Variants in NPAS3 observed in about 807,000 individuals in gnomAD.
NPAS3 encodes the protein neuronal PAS domain protein 3.
In NPAS3, 14 loss-of-function variants were observed where a neutral mutation model predicts 73.1. That is an observed-to-expected ratio of 0.19 (90% CI 0.13 to 0.30). NPAS3 has a LOEUF of 0.30. NPAS3 is among the 10% of genes least tolerant of loss of function. The probability of loss-of-function intolerance (pLI) is 1.00; values close to 1 mark genes in which losing one functional copy is unlikely to be tolerated. For synonymous variants in NPAS3, 620 were observed against 541.5 expected (o/e 1.14, Z -2.01); for missense variants, 1,096 against 1,250.0 (o/e 0.88, Z 1.86).
chr14:33,792,736 T>G (rs1318729612), intron 9 of NPAS3, among the ~76,000 whole-genome samples: 1 of 152,264 alleles, frequency 6.6e-6, no homozygotes, highest in Admixed American at 6.5e-5. Flanking sequence ...CAAATACATA[T>G]TACTTGAGAT....
intron 4 of NPAS3, among the ~76,000 whole-genome samples, chr14:33,371,643 G>T (rs558392795): frequency 6.6e-6 from 1 of 152,076 alleles, no homozygotes; most frequent in South Asian, 2.1e-4. Flanking sequence ...TGAGTATTTT[G>T]ATTACATCTA....
At chr14:32,958,222 C>G (rs779878802) in intron 1 of NPAS3, among the ~76,000 whole-genome samples, 22 of 152,054 alleles carry the variant, frequency 1.4e-4, no homozygotes, top group Non-Finnish European at 2.8e-4. Context: ...GTTCTCTTCC[C>G]CCAAATAACT....
At chr14:33,227,627 T>A (rs2047683925) in intron 3 of NPAS3, among the ~76,000 whole-genome samples, 1 of 152,178 alleles carries the variant, frequency 6.6e-6, no homozygotes, top group South Asian at 2.1e-4. Context: ...ATGTCTCCTG[T>A]GTCTCTAATC....
intron 6 of NPAS3, among the ~76,000 whole-genome samples, chr14:33,711,792 A>G (rs911577894): frequency 1.3e-5 from 2 of 152,098 alleles, no homozygotes; most frequent in African/African-American, 2.4e-5. Flanking sequence ...TCACTCGCAC[A>G]AGGCCTGTGA....
In NPAS3 at chr14:33,782,823, T is replaced by TA. The variant is rs199704146; in HGVS notation, c.1153+4259dup. Among the ~76,000 whole-genome samples the TA allele has an allele frequency of 7.5e-3, 1,110 of 148,728 alleles. 9 individuals are homozygous for TA. The highest frequency in any genetic ancestry group is 0.023 in the African/African-American group (943 of 40,654). On this transcript the variant is annotated intron_variant, in intron 9 of 11. Transcript: ENST00000356141. ...AACATACTTGGGGGTTGTTTTTTTT[T>TA]AAAAAAAAGAAAAAAACAGTAGCTT...
At chr14:33,441,212 T>G (rs1262978637) in intron 4 of NPAS3, among the ~76,000 whole-genome samples, 1 of 152,230 alleles carries the variant, frequency 6.6e-6, no homozygotes, top group African/African-American at 2.4e-5. Flanking sequence ...TTTTAAGAAA[T>G]ATAATATGCA....
chr14:33,556,229 C>A (rs2055353013), intron 4 of NPAS3, among the ~76,000 whole-genome samples: 1 of 152,166 alleles, frequency 6.6e-6, no homozygotes, highest in Non-Finnish European at 1.5e-5. Flanking sequence ...TGTTAAAAAT[C>A]ACAATCCCCT....
At chr14:33,250,871 A>G (rs183872080) in intron 3 of NPAS3, among the ~76,000 whole-genome samples, 91 of 152,228 alleles carry the variant, frequency 6.0e-4, no homozygotes, top group Admixed American at 4.0e-3. Context: ...ACCATGGATA[A>G]TATCTTTTAT....
chr14:33,668,557 T>G (rs946351766), intron 5 of NPAS3, among the ~76,000 whole-genome samples: 11 of 152,324 alleles, frequency 7.2e-5, no homozygotes, highest in African/African-American at 2.6e-4. Context: ...GGCGCATGCC[T>G]GTAATCCCAG....
At chr14:33,043,447 C>G (rs2040408373) in intron 1 of NPAS3, among the ~76,000 whole-genome samples, 2 of 152,128 alleles carry the variant, frequency 1.3e-5, no homozygotes, top group Admixed American at 6.6e-5. Flanking sequence ...TTTCCAAAAT[C>G]TGATATCAGG....
At chr14:33,329,808 T>G (rs1423951668) in intron 3 of NPAS3, among the ~76,000 whole-genome samples, 1 of 151,920 alleles carries the variant, frequency 6.6e-6, no homozygotes, top group Non-Finnish European at 1.5e-5. Flanking sequence ...GGATTAAAAG[T>G]GGAGTGTGTG....
At chr14:33,743,689 T>C (rs973911930) in intron 7 of NPAS3, among the ~76,000 whole-genome samples, 1 of 152,242 alleles carries the variant, frequency 6.6e-6, no homozygotes, top group African/African-American at 2.4e-5. Flanking sequence ...AAATCCTAGA[T>C]GGCATCTTCT....
chr14:33,676,318 A>G, exon 6 of NPAS3: 6 of 1,612,572 alleles, frequency 3.7e-6, no homozygotes, highest in Non-Finnish European at 5.1e-6. Context: ...GTCTCCTGTC[A>G]CAGGGCACTG....
chr14:32,935,320 C>T (rs2035662863), upstream of NPAS3, among the ~76,000 whole-genome samples: 1 of 152,202 alleles, frequency 6.6e-6, no homozygotes, highest in African/African-American at 2.4e-5. Context: ...GTTTAGGATC[C>T]TCATCCCTTT....
At chr14:33,139,940 A>G (rs1362521128) in intron 2 of NPAS3, among the ~76,000 whole-genome samples, 2 of 96,912 alleles carry the variant, frequency 2.1e-5, no homozygotes, top group Admixed American at 1.0e-4. Context: ...TTCTGCCTGC[A>G]TGATTTTTTT....
rs148349994 is a variant in NPAS3, at chr14:33,638,602, A to G, written c.559-37609A>G. Reference sequence around the variant, plus strand: ...TGAACACACTAAGTGCTCAATAGACATTGGCCATTAGTAGTTTTAATTGCA... The same window carrying G: ...TGAACACACTAAGTGCTCAATAGACGTTGGCCATTAGTAGTTTTAATTGCA... On this transcript the variant is annotated intron_variant, in intron 5 of 11. Coordinates refer to ENST00000356141, the Ensembl canonical transcript of NPAS3. 1.6e-3 allele frequency among the ~76,000 whole-genome samples: 237 copies of G among 152,376 alleles called. 1 individual carries two copies. Among genetic ancestry groups the G allele is most frequent in the African/African-American group, 5.3e-3 (221 of 41,592 alleles).
chr14:33,112,980 T>C (rs1402031676), intron 2 of NPAS3, among the ~76,000 whole-genome samples: 2 of 152,188 alleles, frequency 1.3e-5, no homozygotes, highest in Non-Finnish European at 2.9e-5. Flanking sequence ...TAGTTGTAGA[T>C]ATGCGGCATT....
chr14:33,659,298 C>T lies in NPAS3; in HGVS notation c.559-16913C>T, dbSNP rs576291664. On this transcript the variant is annotated intron_variant, in intron 5 of 11. Coordinates refer to ENST00000356141, the Ensembl canonical transcript of NPAS3. ...TATAACAGAGGAAACGCCAGAGTAA[C>T]TTGCCCAAAGTGGGTAATGGTTTCA... Among the ~76,000 whole-genome samples, 8 of 152,328 alleles carry T rather than the reference C, an allele frequency of 5.3e-5. No homozygotes were observed. The East Asian group carries it at 1.5e-3, about 29-fold the overall frequency.
At chr14:33,136,058 C>CTTTTTTT (rs34308954) in intron 2 of NPAS3, among the ~76,000 whole-genome samples, 18 of 115,408 alleles carry the variant, frequency 1.6e-4, no homozygotes, top group East Asian at 2.3e-4. Flanking sequence ...TACCTTTTTT[C>CTTTTTTT]TTTTTTTTTT....
Sources: allele counts gnomAD v4.1 joint callset (sites outside exome capture counted in the v4.1 genomes callset), GRCh38; gene constraint gnomAD v4.1.1; transcripts MANE v1.5; gene names NCBI Gene and HGNC (gene_info 2026-07-23, HGNC 2026-07-21).